DNTT: variants seen among roughly 807,000 people sequenced by gnomAD.
DNTT encodes the protein DNA nucleotidylexotransferase, also known as nucleosidetriphosphate:DNA deoxynucleotidylexotransferase.
In DNTT, 47 loss-of-function variants were observed where a neutral mutation model predicts 60.9. The observed-to-expected ratio is 0.77, with a 90% CI of 0.61 to 0.98. DNTT has a LOEUF of 0.98. DNTT is among the 50% of genes least tolerant of loss of function. The pLI, the probability that DNTT is intolerant of heterozygous loss-of-function variation, is 0.00. For missense variants in DNTT, 665 were observed against 627.5 expected (o/e 1.06, Z -0.64); for synonymous variants, 224 against 221.2 (o/e 1.01, Z -0.11).
intron 8 of DNTT, 40 bp downstream of exon 8, chr10:96,328,870 T>TATGTTAAC: frequency 6.3e-7 from 1 of 1,579,766 alleles, no homozygotes; most frequent in Non-Finnish European, 8.7e-7. Context: ...ACGCAAACAT[T>TATGTTAAC]ATGTTAACAC....
At chr10:96,314,401 C>CTTTTTTTTTTTTTTT (rs1564870098) in intron 1 of DNTT, among the ~76,000 whole-genome samples, 2 of 39,848 alleles carry the variant, frequency 5.0e-5, no homozygotes, top group East Asian at 8.5e-4. Flanking sequence ...CTATCTCTTC[C>CTTTTTTTTTTTTTTT]CTTTTTTTTT....
At chr10:96,324,532 C>CA in intron 6 of DNTT, 143 bp downstream of exon 6, 1 of 1,335,468 alleles carries the variant, frequency 7.5e-7, no homozygotes, top group Non-Finnish European at 1.0e-6. Flanking sequence ...TAAATCCTAG[C>CA]TCCAGCAGTT....
intron 5 of DNTT, among the ~76,000 whole-genome samples, chr10:96,323,546 G>A (rs1165242669): frequency 1.3e-5 from 2 of 151,780 alleles, no homozygotes; most frequent in African/African-American, 4.9e-5. Flanking sequence ...TCACTCATGG[G>A]TACAAACATC....
intron 5 of DNTT, among the ~76,000 whole-genome samples, chr10:96,323,856 A>T (rs1346734832): frequency 6.6e-6 from 1 of 152,194 alleles, no homozygotes; most frequent in Non-Finnish European, 1.5e-5. Context: ...TGGTGGAGAA[A>T]CTATATAACC....
At chr10:96,329,845 T>C (rs1844985275) in intron 8 of DNTT, among the ~76,000 whole-genome samples, 2 of 152,132 alleles carry the variant, frequency 1.3e-5, no homozygotes, top group Non-Finnish European at 2.9e-5. Context: ...AGACTAAATT[T>C]GGACGGAGCC....
intron 1 of DNTT, among the ~76,000 whole-genome samples, chr10:96,314,485 T>G (rs1844761834): frequency 7.4e-6 from 1 of 134,912 alleles, no homozygotes; most frequent in Non-Finnish European, 1.5e-5. Context: ...CAATCTCAAC[T>G]CACTGCAACC....
intron 6 of DNTT, among the ~76,000 whole-genome samples, chr10:96,327,153 C>T (rs1438147768): frequency 6.6e-6 from 1 of 152,200 alleles, no homozygotes; most frequent in Non-Finnish European, 1.5e-5. Context: ...TAGGACACAG[C>T]CTATTGATCA....
At chr10:96,317,336 G>A (rs1308585967) in intron 1 of DNTT, among the ~76,000 whole-genome samples, 1 of 152,226 alleles carries the variant, frequency 6.6e-6, no homozygotes, top group Non-Finnish European at 1.5e-5. Flanking sequence ...TAAATGAGAT[G>A]ATGTAGGTAA....
intron 1 of DNTT, among the ~76,000 whole-genome samples, chr10:96,310,937 T>A (rs886370062): frequency 1.3e-5 from 2 of 152,220 alleles, no homozygotes; most frequent in African/African-American, 4.8e-5. Flanking sequence ...AGATATAAGC[T>A]TTTTTCTTGC....
At position 96,328,149 on chromosome 10, in the gene DNTT, T is replaced by G. The variant is rs138992841; in HGVS notation, c.1007+549T>G. On this transcript the variant is annotated intron_variant, in intron 7 of 10. Coordinates refer to ENST00000371174, the MANE Select transcript of DNTT (RefSeq NM_004088.4). ...ATGACTGACTGAATGAATTCATGAA[T>G]GAGTGAACGCTTCACAAGGATGTAT... 2.6e-5 allele frequency among the ~76,000 whole-genome samples: 4 copies of G among 152,328 alleles called. No homozygotes were observed. The East Asian group carries it at 7.7e-4, about 29-fold the overall frequency.
chr10:96,312,843 T>C (rs1288530577), intron 1 of DNTT, among the ~76,000 whole-genome samples: 1 of 152,214 alleles, frequency 6.6e-6, no homozygotes, highest in Non-Finnish European at 1.5e-5. Context: ...TTCCTGGATG[T>C]CTCTGGTAGA....
chr10:96,336,142 C>T (rs1011632633), intron 10 of DNTT, among the ~76,000 whole-genome samples, 168 bp downstream of exon 10: 2 of 152,168 alleles, frequency 1.3e-5, no homozygotes, highest in African/African-American at 4.8e-5. Context: ...TCCACAGACT[C>T]GCAGTTTCCA....
rs776563026 is a variant in DNTT at position 96,335,893 on chromosome 10, G to A, written c.1362G>A (p.Gln454=). ...TATTTTAACTATCTCCTATCCAGCA[G>A]TTTGAGAGAGACCTCCGGCGCTATG... ...FALLGWTGSR[Q]FERDLRRYAT... Residue 454 remains glutamine, a splice_region_variant and synonymous_variant, in exon 10 of 11, where the codon CAG becomes CAA. Coordinates refer to ENST00000371174, the MANE Select transcript of DNTT (RefSeq NM_004088.4). The A allele has an allele frequency of 1.9e-6, 3 of 1,614,192 alleles. No homozygotes were observed. Among genetic ancestry groups the A allele is most frequent in the East Asian group, 2.2e-5 (1 of 44,890 alleles).
chr10:96,330,568 C>T (rs941269017), intron 8 of DNTT, among the ~76,000 whole-genome samples: 7 of 152,134 alleles, frequency 4.6e-5, no homozygotes, highest in African/African-American at 1.7e-4. Flanking sequence ...TAGTGCTTCC[C>T]CCTTCAAATG....
intron 7 of DNTT, 39 bp from the exon 8 acceptor site, chr10:96,328,686 T>C: frequency 1.3e-6 from 2 of 1,586,658 alleles, no homozygotes; most frequent in Non-Finnish European, 1.7e-6. Context: ...AAGACTAATA[T>C]CTAATTGATT....
chr10:96,314,663 CA>C (rs1657355427), intron 1 of DNTT, among the ~76,000 whole-genome samples: 1 of 151,928 alleles, frequency 6.6e-6, no homozygotes, highest in Non-Finnish European at 1.5e-5. Context: ...CTGCCCCCCT[CA>C]GCCTCCCAAA....
In DNTT at chr10:96,322,682, C is replaced by T; in HGVS notation, c.704C>T (p.Ser235Phe). 1 of 1,602,966 alleles carries T rather than the reference C, an allele frequency of 6.2e-7. No individual in the cohort carries two copies. Among genetic ancestry groups the T allele is most frequent in the Non-Finnish European group, 8.5e-7 (1 of 1,172,026 alleles). Residue 235 changes from serine to phenylalanine, a missense_variant, in exon 5 of 11, where the codon TCT becomes TTT. Ser to Phe is a radical substitution (Grantham distance 155, BLOSUM62 -2). Transcript: ENST00000371174. ...GAGATTATTGAAGATGGAGAAAGTT[C>T]TGAAGTTAAAGCTGTGTTAAATGAT... ...IEEIIEDGESSEVKAVLNDER... is the reference protein window; with the variant it reads ...IEEIIEDGESFEVKAVLNDER...
Position 96,325,877 on chromosome 10 carries a change from A to G in DNTT, c.874+1488A>G, listed in dbSNP as rs1210832371. On this transcript the variant is annotated intron_variant, in intron 6 of 10. Coordinates refer to ENST00000371174, the MANE Select transcript of DNTT (RefSeq NM_004088.4). The stretch of plus-strand genomic sequence containing the variant: ...GATAACCTGATCCAGTTTTACTCAT[A>G]TTTGCACTTGATTGCAGTTCCCTGA... 3.9e-5 allele frequency among the ~76,000 whole-genome samples: 6 copies of G among 152,300 alleles called. 1 individual carries two copies. In the South Asian group the frequency reaches 1.2e-3, roughly 32 times the overall value.
At chr10:96,316,923 G>T (rs1771978984) in intron 1 of DNTT, among the ~76,000 whole-genome samples, 1 of 152,114 alleles carries the variant, frequency 6.6e-6, no homozygotes, top group Non-Finnish European at 1.5e-5. Flanking sequence ...AGGAATCTAG[G>T]GTTGTGCATA....
Sources: allele counts gnomAD v4.1 joint callset (sites outside exome capture counted in the v4.1 genomes callset), GRCh38; gene constraint gnomAD v4.1.1; transcripts MANE v1.5; gene names NCBI Gene and HGNC (gene_info 2026-07-23, HGNC 2026-07-21).